LMBR1: variants seen among roughly 807,000 people sequenced by gnomAD.
The protein encoded by LMBR1 is limb region 1 protein homolog.
LMBR1 carries 52 observed loss-of-function variants against 73.9 expected under a neutral mutation model. The ratio of observed to expected loss-of-function variants is 0.70; its 90% confidence interval spans 0.56 to 0.89. The LOEUF (loss-of-function observed/expected upper bound fraction) is 0.89. Ranked by LOEUF, LMBR1 falls within the 40% of genes least tolerant of loss-of-function variation. The probability of loss-of-function intolerance (pLI) is 0.00; values close to 1 mark genes in which losing one functional copy is unlikely to be tolerated. For missense variants in LMBR1, 539 were observed against 579.8 expected (o/e 0.93, Z 0.72); for synonymous variants, 215 against 209.4 (o/e 1.03, Z -0.23).
At chr7:156,758,204 G>GA (rs1293498604) in intron 8 of LMBR1, among the ~76,000 whole-genome samples, 1 of 152,188 alleles carries the variant, frequency 6.6e-6, no homozygotes, top group Non-Finnish European at 1.5e-5. Flanking sequence ...GAATCCCAGA[G>GA]AAAACCCACA....
chr7:156,709,203 T>C (rs1467636593), intron 15 of LMBR1, among the ~76,000 whole-genome samples: 1 of 152,192 alleles, frequency 6.6e-6, no homozygotes, highest in Non-Finnish European at 1.5e-5. Flanking sequence ...TCTACTACTA[T>C]GGCAGCTGGA....
chr7:156,887,983 A>T (rs904912603), intron 1 of LMBR1, among the ~76,000 whole-genome samples: 8 of 152,088 alleles, frequency 5.3e-5, no homozygotes, highest in Non-Finnish European at 1.0e-4. Flanking sequence ...CATCCATTTT[A>T]AAAAAAAGAA....
At chr7:156,781,851 T>C (rs545884907) in intron 5 of LMBR1, among the ~76,000 whole-genome samples, 2 of 152,192 alleles carry the variant, frequency 1.3e-5, no homozygotes, top group African/African-American at 2.4e-5. Context: ...AAGTTCACCA[T>C]CGTAACCATT....
At chr7:156,784,908 T>C (rs1827804794) in intron 5 of LMBR1, among the ~76,000 whole-genome samples, 1 of 152,134 alleles carries the variant, frequency 6.6e-6, no homozygotes, top group Non-Finnish European at 1.5e-5. Context: ...GACACCTGCA[T>C]CTCTTTTGCC....
rs572362481 is a variant in LMBR1, at chr7:156,879,460, C to T, written c.66+13468G>A. 4.6e-5 allele frequency among the ~76,000 whole-genome samples: 7 copies of T among 152,136 alleles called. No homozygotes were observed. In the East Asian group the frequency reaches 7.7e-4, roughly 17 times the overall value. ...CGAGCAGATCCCGAGGTCAGGAGATCGAGACCATCCTGGCTAACATGGTGA... is the reference window on the plus strand; with the variant it reads ...CGAGCAGATCCCGAGGTCAGGAGATTGAGACCATCCTGGCTAACATGGTGA... On this transcript the variant is annotated intron_variant, in intron 1 of 16. Coordinates refer to ENST00000353442, the MANE Select transcript of LMBR1 (RefSeq NM_022458.4).
At chr7:156,775,574 C>A (rs1039341401) in intron 5 of LMBR1, among the ~76,000 whole-genome samples, 25 of 152,070 alleles carry the variant, frequency 1.6e-4, no homozygotes, top group African/African-American at 6.0e-4. Context: ...ACTGCATAAA[C>A]AGTATGACCT....
chr7:156,814,524 A>C (rs1028165364), intron 4 of LMBR1, among the ~76,000 whole-genome samples: 2 of 152,226 alleles, frequency 1.3e-5, no homozygotes, highest in African/African-American at 4.8e-5. Context: ...GGTTTTTAAA[A>C]ATCTAATTTC....
At chr7:156,817,104 TAAAAC>T (rs954114433) in intron 4 of LMBR1, among the ~76,000 whole-genome samples, 2 of 152,078 alleles carry the variant, frequency 1.3e-5, no homozygotes, top group African/African-American at 4.8e-5. Flanking sequence ...TGGTTTAAAA[TAAAAC>T]AAAACAAGAC....
intron 10 of LMBR1, 110 bp from the exon 11 acceptor site, chr7:156,728,830 A>G (rs966519383): frequency 2.6e-6 from 2 of 783,988 alleles, no homozygotes; most frequent in East Asian, 5.8e-5. Flanking sequence ...AACATAAATT[A>G]CTTTTAATTT....
intron 15 of LMBR1, among the ~76,000 whole-genome samples, chr7:156,696,254 T>C (rs181938469): frequency 1.3e-4 from 20 of 152,312 alleles, no homozygotes; most frequent in Non-Finnish European, 1.5e-5. Context: ...TCAAAGATAT[T>C]GTTAGGAGAA....
intron 15 of LMBR1, among the ~76,000 whole-genome samples, chr7:156,711,606 A>G (rs1041667584): frequency 1.3e-5 from 2 of 152,176 alleles, no homozygotes; most frequent in African/African-American, 4.8e-5. Context: ...CAAATTATAC[A>G]ACAAGGATAC....
At chr7:156,891,309 C>G (rs559872109) in intron 1 of LMBR1, among the ~76,000 whole-genome samples, 1 of 137,988 alleles carries the variant, frequency 7.2e-6, no homozygotes, top group South Asian at 2.3e-4. Context: ...TAGCCAAAAC[C>G]TAGAAACTAC....
chr7:156,862,005 C>G (rs1232291650), intron 1 of LMBR1, among the ~76,000 whole-genome samples: 1 of 152,246 alleles, frequency 6.6e-6, no homozygotes, highest in Non-Finnish European at 1.5e-5. Context: ...TTCCCCAGTT[C>G]CAAAGTCACT....
At chr7:156,852,672 C>T (rs1393793133) in intron 1 of LMBR1, among the ~76,000 whole-genome samples, 3 of 152,106 alleles carry the variant, frequency 2.0e-5, no homozygotes, top group African/African-American at 7.2e-5. Context: ...AATGTCCCCC[C>T]CAGGAGACAT....
At chr7:156,888,684 AG>A (rs1224981011) in intron 1 of LMBR1, among the ~76,000 whole-genome samples, 1 of 151,804 alleles carries the variant, frequency 6.6e-6, no homozygotes, top group African/African-American at 2.4e-5. Flanking sequence ...TTGGGAGGCC[AG>A]GGTGGGTGCA....
chr7:156,762,797 GTGTA>G (rs146750830), intron 7 of LMBR1, among the ~76,000 whole-genome samples: 6,158 of 152,072 alleles, frequency 0.04, 181 homozygotes, highest in Non-Finnish European at 0.049. Flanking sequence ...TTGTGTGTCA[GTGTA>G]TGTAAGTATG....
At chr7:156,673,767 C>T (rs1001883619), downstream of LMBR1, among the ~76,000 whole-genome samples, 1 of 152,154 alleles carries the variant, frequency 6.6e-6, no homozygotes, top group South Asian at 2.1e-4. Context: ...ATAGTCTCCA[C>T]AGCACTCGAC....
chr7:156,848,532 C>T (rs1795812322), intron 1 of LMBR1, among the ~76,000 whole-genome samples: 1 of 152,110 alleles, frequency 6.6e-6, no homozygotes, highest in Admixed American at 6.6e-5. Flanking sequence ...ATAACAGATG[C>T]TGGTGAGGTT....
intron 4 of LMBR1, among the ~76,000 whole-genome samples, chr7:156,803,262 G>A (rs1430417645): frequency 6.6e-6 from 1 of 151,778 alleles, no homozygotes; most frequent in African/African-American, 2.4e-5. Context: ...TCTGACAAAG[G>A]GCTAATATCC....
Sources: allele counts gnomAD v4.1 joint callset (sites outside exome capture counted in the v4.1 genomes callset), GRCh38; gene constraint gnomAD v4.1.1; transcripts MANE v1.5; gene names NCBI Gene and HGNC (gene_info 2026-07-23, HGNC 2026-07-21).